The following SRBD1 variants were observed in gnomAD, a reference collection of about 807,000 sequenced individuals.
The protein encoded by SRBD1 is S1 RNA binding domain 1.
SRBD1 carries 88 observed loss-of-function variants against 115.3 expected under a neutral mutation model. That is an observed-to-expected ratio of 0.76 (90% CI 0.64 to 0.91). The LOEUF (loss-of-function observed/expected upper bound fraction) is 0.91, where lower values mean the gene tolerates loss of function less well. Ranked by LOEUF, SRBD1 falls within the 40% of genes least tolerant of loss-of-function variation. The probability of loss-of-function intolerance (pLI) is 0.00; values close to 1 mark genes in which losing one functional copy is unlikely to be tolerated. For missense variants in SRBD1, 1,385 were observed against 1,177.4 expected (o/e 1.18, Z -2.58); for synonymous variants, 509 against 407.7 (o/e 1.25, Z -2.99).
Position 45,581,689 on chromosome 2 carries a change from T to A in SRBD1, c.933+4A>T. 1 of 1,608,602 alleles carries A rather than the reference T, an allele frequency of 6.2e-7. No homozygotes were observed. The highest frequency in any genetic ancestry group is 8.5e-7 in the Non-Finnish European group (1 of 1,177,190). On this transcript the variant is annotated splice_donor_region_variant and intron_variant, in intron 6 of 20. Transcript: ENST00000263736. ...TACATTAAAAGATAAAAAGGATTCC[T>A]TACCACGTGTTCTAGTTCTTCAAAA...
At position 45,503,385 on chromosome 2, in the gene SRBD1, T is replaced by C. The variant is rs150505214; in HGVS notation, c.1875-15054A>G. On this transcript the variant is annotated intron_variant, in intron 14 of 20. Transcript: ENST00000263736. ...TTTTCATAATCATTGGTCAGCCCTA[T>C]GGCTTTTGACATCCTACTTATGAAA... Among the ~76,000 whole-genome samples the C allele has an allele frequency of 5.4e-3, 819 of 152,326 alleles. 4 individuals carry two copies. Among genetic ancestry groups the C allele is most frequent in the African/African-American group, 0.012 (488 of 41,576 alleles).
At chr2:45,581,597 C>A (rs111796210) in intron 6 of SRBD1, 96 bp downstream of exon 6, 2 of 808,906 alleles carry the variant, frequency 2.5e-6, no homozygotes, top group Non-Finnish European at 4.0e-6. Context: ...TGGCTAATGA[C>A]GTTAGCTTTT....
chr2:45,581,261 C>G (rs1673354163), intron 6 of SRBD1, among the ~76,000 whole-genome samples: 2 of 152,118 alleles, frequency 1.3e-5, no homozygotes, highest in South Asian at 4.1e-4. Context: ...CTTATGCTCT[C>G]ACATCCTCCA....
At chr2:45,533,432 G>A (rs779253269) in intron 14 of SRBD1, among the ~76,000 whole-genome samples, 4 of 151,944 alleles carry the variant, frequency 2.6e-5, no homozygotes, top group Non-Finnish European at 5.9e-5. Flanking sequence ...ATTAATAAGA[G>A]GGTCTATATA....
At chr2:45,571,279 T>C (rs1558486007) in intron 9 of SRBD1, among the ~76,000 whole-genome samples, 1 of 152,096 alleles carries the variant, frequency 6.6e-6, no homozygotes, top group Non-Finnish European at 1.5e-5. Context: ...AGGGTTTATT[T>C]TGTTTTTGTT....
At chr2:45,519,259 C>A (rs1014860671) in intron 14 of SRBD1, among the ~76,000 whole-genome samples, 4 of 152,104 alleles carry the variant, frequency 2.6e-5, no homozygotes, top group Non-Finnish European at 5.9e-5. Context: ...AACTTTATAA[C>A]CCTCATCATA....
At chr2:45,578,040 C>T (rs945913500) in intron 7 of SRBD1, among the ~76,000 whole-genome samples, 2 of 152,040 alleles carry the variant, frequency 1.3e-5, no homozygotes, top group Non-Finnish European at 2.9e-5. Context: ...CCATGTAGGA[C>T]AATCCAAAGA....
intron 16 of SRBD1, among the ~76,000 whole-genome samples, chr2:45,431,929 G>C (rs535321043): frequency 7.2e-5 from 11 of 152,116 alleles, no homozygotes; most frequent in Non-Finnish European, 1.5e-4. Flanking sequence ...GCTGCCGTCA[G>C]GTCAGCTGTA....
chr2:45,585,852 T>C, intron 4 of SRBD1, 78 bp from the exon 5 acceptor site: 1 of 1,190,914 alleles, frequency 8.4e-7, no homozygotes, highest in Non-Finnish European at 1.1e-6. Context: ...AAACATAGTA[T>C]CAAATAATGT....
At chr2:45,592,021 G>A (rs1343466425) in intron 4 of SRBD1, among the ~76,000 whole-genome samples, 8 of 152,168 alleles carry the variant, frequency 5.3e-5, no homozygotes, top group Admixed American at 3.3e-4. Context: ...GAATCATGGG[G>A]GCCAGTCTCT....
intron 14 of SRBD1, among the ~76,000 whole-genome samples, chr2:45,512,179 C>T (rs368350742): frequency 1.3e-5 from 2 of 152,176 alleles, no homozygotes; most frequent in African/African-American, 4.8e-5. Flanking sequence ...CACTATTTCT[C>T]TAACTTGAGC....
At chr2:45,571,805 G>A (rs1280117561) in intron 9 of SRBD1, among the ~76,000 whole-genome samples, 1 of 151,740 alleles carries the variant, frequency 6.6e-6, no homozygotes, top group East Asian at 1.9e-4. Context: ...AAATCAACAA[G>A]CCTGAAGATA....
chr2:45,435,744 G>A (rs7593154), intron 16 of SRBD1, among the ~76,000 whole-genome samples: 121,327 of 151,942 alleles, frequency 0.8, 49,230 homozygotes, highest in African/African-American at 0.92. Flanking sequence ...TTCTAGTCCT[G>A]GAGAAAGGAT....
At chr2:45,416,478 G>A (rs1282498394) in intron 18 of SRBD1, among the ~76,000 whole-genome samples, 3 of 152,058 alleles carry the variant, frequency 2.0e-5, no homozygotes, top group Admixed American at 2.0e-4. Context: ...CTAAATTACA[G>A]CCCATCCATA....
chr2:45,519,237 G>C (rs1171491282), intron 14 of SRBD1, among the ~76,000 whole-genome samples: 1 of 152,128 alleles, frequency 6.6e-6, no homozygotes, highest in Non-Finnish European at 1.5e-5. Context: ...TCCCAGAAAA[G>C]ACAAACAGTA....
intron 14 of SRBD1, among the ~76,000 whole-genome samples, chr2:45,525,668 C>CT (rs1027464989): frequency 7.2e-5 from 11 of 152,040 alleles, no homozygotes; most frequent in African/African-American, 2.6e-4. Flanking sequence ...TGTATATGTA[C>CT]TTCAAAACAT....
intron 16 of SRBD1, among the ~76,000 whole-genome samples, chr2:45,453,506 A>C (rs1175600454): frequency 6.6e-6 from 1 of 151,914 alleles, no homozygotes; most frequent in Non-Finnish European, 1.5e-5. Flanking sequence ...ATTACTTTTA[A>C]TCACTCCAGG....
rs201318161 is a variant in SRBD1 at position 45,599,750 on chromosome 2, G to C, written c.347C>G (p.Thr116Arg). The C allele has an allele frequency of 3.1e-6, 5 of 1,613,944 alleles. No homozygotes were observed. In the African/African-American group the frequency reaches 4.0e-5, roughly 13 times the overall value. ...TGGCTGCGCTGCACATTTCTGTTTT[G>C]TCTTGGCTGTTTTCAGAGTCTGTAC... ...DTVQTLKTAK[T>R]KQKCAAQPHT... is the part of the protein sequence containing the mutation. The change falls in exon 4 of 21, where the codon ACA (threonine) becomes AGA (arginine). Residue 116 changes from threonine (T) to arginine (R), a missense_variant. By Grantham distance (71) the Thr-to-Arg change is moderately conservative (BLOSUM62 -1). Transcript: ENST00000263736.
intron 19 of SRBD1, among the ~76,000 whole-genome samples, chr2:45,409,064 CAAA>C (rs1356163274): frequency 6.6e-6 from 1 of 152,008 alleles, no homozygotes; most frequent in African/African-American, 2.4e-5. Context: ...ACTAAAAATA[CAAA>C]AATTAGCCGG....
Sources: allele counts gnomAD v4.1 joint callset (sites outside exome capture counted in the v4.1 genomes callset), GRCh38; gene constraint gnomAD v4.1.1; transcripts MANE v1.5; gene names NCBI Gene and HGNC (gene_info 2026-07-23, HGNC 2026-07-21).